The following PIEZO1 variants were observed in gnomAD, a reference collection of about 807,000 sequenced individuals.
PIEZO1 encodes the protein piezo type mechanosensitive ion channel component 1 (Er blood group), also known as piezo-type mechanosensitive ion channel component 1.
A neutral mutation model predicts 297.2 loss-of-function variants in PIEZO1; 296 were observed. The ratio of observed to expected loss-of-function variants is 1.00; its 90% CI spans 0.91 to 1.10. The LOEUF (loss-of-function observed/expected upper bound fraction) is 1.10. Ranked by LOEUF, PIEZO1 falls within the 50% of genes least tolerant of loss-of-function variation. The pLI is 0.00. For missense variants in PIEZO1, 5,018 were observed against 3,455.5 expected (o/e 1.45, Z -11.34); for synonymous variants, 2,427 against 1,507.5 (o/e 1.61, Z -14.13).
Position 88,733,453 on chromosome 16 carries a change from A to C in PIEZO1, c.2489T>G (p.Val830Gly), listed in dbSNP as rs758936316. 6.5e-7 allele frequency: 1 copy of C among 1,546,258 alleles called. No homozygotes were observed. Among genetic ancestry groups the C allele is most frequent in the Middle Eastern group, 1.7e-4 (1 of 5,976 alleles). Reference sequence around the variant, plus strand: ...CACCAGCAGCAGGTTCATCACCGACACCTGAGGGCAGTGGGCACGTGGGGC... The same window carrying C: ...CACCAGCAGCAGGTTCATCACCGACCCCTGAGGGCAGTGGGCACGTGGGGC... ...LYTVWVALKE[V>G]SVMNLLLVVL... Residue 830 changes from valine to glycine, a missense_variant and splice_region_variant, in exon 19 of 51, where the codon GTG (valine) becomes GGG (glycine). By Grantham distance (109) the Val-to-Gly change is moderately radical. Coordinates refer to ENST00000301015, the MANE Select transcript of PIEZO1 (RefSeq NM_001142864.4).
At chr16:88,742,505 C>G in intron 2 of PIEZO1, 83 bp from the exon 3 acceptor site, 1 of 1,428,120 alleles carries the variant, frequency 7.0e-7, no homozygotes, top group South Asian at 1.3e-5. Context: ...CAATAGCCCC[C>G]AGCCCGGCCA....
chr16:88,776,789 C>T (rs903480940), intron 1 of PIEZO1, among the ~76,000 whole-genome samples: 1 of 152,208 alleles, frequency 6.6e-6, no homozygotes, highest in African/African-American at 2.4e-5. Context: ...GATAGCCTCT[C>T]TGCCACCCAC....
chr16:88,729,587 C>A (rs1393787831), intron 22 of PIEZO1, among the ~76,000 whole-genome samples: 2 of 141,606 alleles, frequency 1.4e-5, no homozygotes, highest in East Asian at 4.1e-4. Context: ...ACAAAGTGAC[C>A]CTCGATGCTG....
Position 88,715,383 on chromosome 16 carries a change from A to AAAC in PIEZO1, c.*221_*222insGTT. On this transcript the variant is annotated 3_prime_UTR_variant, in exon 51 of 51. Transcript: ENST00000301015. Reference sequence around the variant, plus strand: ...AATAAAACATTTTTTAATTAAAAAAAAAACTCTACAGTACACGTGGGGGAC... The same window carrying AAAC: ...AATAAAACATTTTTTAATTAAAAAAAAACAAACTCTACAGTACACGTGGGGGAC... 2 of 1,121,312 alleles carry AAAC rather than the reference A, an allele frequency of 1.8e-6. No individual in the cohort carries two copies. Among genetic ancestry groups the AAAC allele is most frequent in the Non-Finnish European group, 2.5e-6 (2 of 804,734 alleles). 69.5% of individuals were successfully genotyped at this position (1,121,312 alleles called of 1,614,324 possible). A position where few individuals can be genotyped will look rare whatever the true frequency, so the allele number is the denominator to read the frequency against.
chr16:88,772,742 G>A (rs1907481134), intron 1 of PIEZO1, among the ~76,000 whole-genome samples: 1 of 146,272 alleles, frequency 6.8e-6, no homozygotes, highest in Admixed American at 7.0e-5. Context: ...TCGTGCCACT[G>A]CATTCCAGCC....
intron 1 of PIEZO1, among the ~76,000 whole-genome samples, chr16:88,758,461 G>C (rs1401961259): frequency 6.6e-6 from 1 of 152,204 alleles, no homozygotes; most frequent in Non-Finnish European, 1.5e-5. Context: ...TGTGATGCCA[G>C]TCATACCCGT....
At chr16:88,731,959 A>ATGCACTGAGTCTGGGGGG (rs1482630762) in intron 21 of PIEZO1, 49 bp from the exon 22 acceptor site, 1 of 63,334 alleles carries the variant, frequency 1.6e-5, no homozygotes, top group African/African-American at 1.8e-4. Flanking sequence ...GTCTGGGGGG[A>ATGCACTGAGTCTGGGGGG]GGGACTTTCT....
At chr16:88,722,782 G>T (rs1243077146) in intron 34 of PIEZO1, 55 bp downstream of exon 34, 16 of 1,531,722 alleles carry the variant, frequency 1.0e-5, no homozygotes, top group Non-Finnish European at 1.4e-5. Context: ...CTGTTAAGCA[G>T]GCAGGGGCGT....
intron 38 of PIEZO1, 30 bp from the exon 39 acceptor site, chr16:88,721,460 C>T: frequency 6.5e-7 from 1 of 1,539,148 alleles, no homozygotes; most frequent in Non-Finnish European, 8.8e-7. Flanking sequence ...GGTGAGGGGG[C>T]CTTGCCTCCC....
intron 2 of PIEZO1, chr16:88,743,435 G>C: frequency 2.3e-6 from 1 of 437,356 alleles, no homozygotes; most frequent in Non-Finnish European, 4.7e-6. Context: ...GCCCGGCCAC[G>C]AGAAAGTGCA....
Position 88,727,154 on chromosome 16 carries a change from G to A in PIEZO1, c.3340C>T (p.Gln1114Ter). The A allele has an allele frequency of 6.5e-7, 1 of 1,548,920 alleles. No individual in the cohort carries two copies. Among genetic ancestry groups the A allele is most frequent in the Non-Finnish European group, 8.7e-7 (1 of 1,146,114 alleles). Residue 1114 changes from glutamine (Q) to a stop codon, truncating the protein, a stop_gained, in exon 24 of 51, where the codon CAG (glutamine) becomes TAG (stop). Transcript: ENST00000301015. LOFTEE classifies it high-confidence loss of function. ...TCTGTGCGCTCAGCTGAGAACACCTGCCACTGCTGGGAGGCGCACAGCAGC... is the reference window on the plus strand; with the variant it reads ...TCTGTGCGCTCAGCTGAGAACACCTACCACTGCTGGGAGGCGCACAGCAGC... ...LLLLCASQQW[Q>*]VFSAERTEEW...
At chr16:88,782,418 T>C (rs966312391) in intron 1 of PIEZO1, among the ~76,000 whole-genome samples, 2 of 152,220 alleles carry the variant, frequency 1.3e-5, no homozygotes, top group African/African-American at 4.8e-5. Flanking sequence ...AGCCCTGCCC[T>C]GACATCTCTC....
chr16:88,724,772 G>A (rs528815801), intron 30 of PIEZO1, among the ~76,000 whole-genome samples: 2 of 152,298 alleles, frequency 1.3e-5, no homozygotes, highest in Admixed American at 1.3e-4. Context: ...TGTGTCATCG[G>A]GGCAAGCTCC....
At chr16:88,782,586 G>C (rs1021807861) in intron 1 of PIEZO1, among the ~76,000 whole-genome samples, 41 of 152,328 alleles carry the variant, frequency 2.7e-4, no homozygotes, top group African/African-American at 8.2e-4. Context: ...GGGCACCCCA[G>C]GATGACTCAA....
chr16:88,729,625 G>A (rs1257272846), intron 22 of PIEZO1, among the ~76,000 whole-genome samples: 3 of 141,252 alleles, frequency 2.1e-5, no homozygotes, highest in Non-Finnish European at 3.0e-5. Flanking sequence ...TGAACCCACA[G>A]CCCCCATCTG....
At chr16:88,755,724 A>G (rs1906621766) in intron 1 of PIEZO1, among the ~76,000 whole-genome samples, 1 of 152,202 alleles carries the variant, frequency 6.6e-6, no homozygotes, top group East Asian at 1.9e-4. Context: ...CCCATCTCCA[A>G]AGGGGACAGT....
At position 88,760,517 on chromosome 16, in the gene PIEZO1, C is replaced by T. The variant is rs115731430; in HGVS notation, c.65-11038G>A. Among the ~76,000 whole-genome samples, 736 of 152,378 alleles carry T rather than the reference C, an allele frequency of 4.8e-3. 4 individuals are homozygous for T. The highest frequency in any genetic ancestry group is 0.017 in the African/African-American group (692 of 41,584). On this transcript the variant is annotated intron_variant, in intron 1 of 50. Transcript: ENST00000301015. Reference sequence around the variant, plus strand: ...GCTTTGTCCAAAGGCAACAGTGGGACGTGGCCACAGGGCAGGCAGCACCCA... The same window carrying T: ...GCTTTGTCCAAAGGCAACAGTGGGATGTGGCCACAGGGCAGGCAGCACCCA...
rs1397370298 is a variant in PIEZO1, at chr16:88,721,311, G to A, written c.5523C>T (p.His1841=). 2 of 1,546,032 alleles carry A rather than the reference G, an allele frequency of 1.3e-6. No individual in the cohort carries two copies. The highest frequency in any genetic ancestry group is 8.7e-7 in the Non-Finnish European group (1 of 1,146,736). ...GTCCGACCCTGGCTTCCACCTGAAT[G>A]TGGTCTTCGGTGGTGGCCGCAGGCA... ...PGVPAATTED[H]IQVEARVGPT... is the part of the protein sequence containing the mutation. Residue 1841 remains histidine (H), a synonymous_variant, in exon 39 of 51, where the codon CAC becomes CAT. Coordinates refer to ENST00000301015, the MANE Select transcript of PIEZO1 (RefSeq NM_001142864.4).
chr16:88,723,036 G>T, intron 33 of PIEZO1, 27 bp from the exon 34 acceptor site: 1 of 1,543,542 alleles, frequency 6.5e-7, no homozygotes, highest in Non-Finnish European at 8.7e-7. Flanking sequence ...GGGGGCGCTG[G>T]AGGGGCAGCC....
Sources: allele counts gnomAD v4.1 joint callset (sites outside exome capture counted in the v4.1 genomes callset), GRCh38; gene constraint gnomAD v4.1.1; transcripts MANE v1.5; gene names NCBI Gene and HGNC (gene_info 2026-07-23, HGNC 2026-07-21).